Variants in PPP2R1A observed in about 807,000 individuals in gnomAD.
PPP2R1A encodes the protein serine/threonine-protein phosphatase 2A 65 kDa regulatory subunit A alpha isoform.
PPP2R1A carries 15 observed loss-of-function variants against 67.1 expected under a neutral mutation model. The observed-to-expected ratio is 0.22, with a 90% confidence interval of 0.15 to 0.34. The LOEUF is 0.34. PPP2R1A is among the 10% of genes least tolerant of loss of function. The pLI, the probability that PPP2R1A is intolerant of heterozygous loss-of-function variation, is 1.00. For synonymous variants in PPP2R1A, 337 were observed against 325.0 expected, an observed-to-expected ratio of 1.04 and a Z score of -0.40; for missense variants, 369 against 775.0, an observed-to-expected ratio of 0.48 and a Z score of 6.22.
intron 13 of PPP2R1A, among the ~76,000 whole-genome samples, chr19:52,225,372 T>A (rs1314328068): frequency 1.3e-5 from 2 of 152,154 alleles, no homozygotes; most frequent in African/African-American, 4.8e-5. Flanking sequence ...GGGGGTATAG[T>A]AGTGTTTCAA....
At chr19:52,202,868 C>A (rs930971574) in intron 2 of PPP2R1A, among the ~76,000 whole-genome samples, 3 of 152,352 alleles carry the variant, frequency 2.0e-5, no homozygotes, top group African/African-American at 7.2e-5. Flanking sequence ...GCTTATAACA[C>A]TGTATAGTAC....
intron 3 of PPP2R1A, among the ~76,000 whole-genome samples, chr19:52,209,706 G>A (rs1301678148): frequency 3.9e-5 from 6 of 152,030 alleles, no homozygotes; most frequent in Non-Finnish European, 8.8e-5. Context: ...GGCAGCCACC[G>A]TAGGAGTTTG....
chr19:52,221,927 T>TG (rs1245427064), intron 12 of PPP2R1A, 172 bp from the exon 13 acceptor site: 243 of 599,392 alleles, frequency 4.1e-4, no homozygotes, highest in African/African-American at 3.9e-3. Context: ...TGGGACATGG[T>TG]GTTAGGATGG....
At position 52,227,115 on chromosome 19, in the gene PPP2R1A, A is replaced by C. The variant is rs1435909145; in HGVS notation, c.*1134A>C. On this transcript the variant is annotated 3_prime_UTR_variant, in exon 15 of 15. Coordinates refer to ENST00000322088, the MANE Select transcript of PPP2R1A (RefSeq NM_014225.6). ...CTGGGCAGATGACTACATGGATTCA[A>C]GGTATTTTCCTAGTGTCTCTTGAAA... The C allele has an allele frequency of 6.6e-6, 1 of 152,172 alleles. No individual in the cohort carries two copies. Among genetic ancestry groups the C allele is most frequent in the African/African-American group, 2.4e-5 (1 of 41,430 alleles). The allele number at this position is 152,172 out of a possible 1,614,324, so 9.4% of individuals were successfully genotyped here. A position where few individuals can be genotyped will look rare whatever the true frequency, so the allele number is the denominator to read the frequency against.
At chr19:52,201,802 G>A in intron 1 of PPP2R1A, 142 bp from the exon 2 acceptor site, 1 of 657,538 alleles carries the variant, frequency 1.5e-6, no homozygotes, top group Non-Finnish European at 2.7e-6. Context: ...GTCTCTTGGT[G>A]GGTGTTTGCC....
At chr19:52,209,063 C>T (rs2089637815) in intron 3 of PPP2R1A, among the ~76,000 whole-genome samples, 1 of 152,144 alleles carries the variant, frequency 6.6e-6, no homozygotes, top group Non-Finnish European at 1.5e-5. Context: ...TGTTTTGGTC[C>T]ATGCTGGGAT....
rs192105840 is a variant in PPP2R1A at position 52,192,705 on chromosome 19, C to T, written c.78+2531C>T. Among the ~76,000 whole-genome samples the T allele has an allele frequency of 2.6e-3, 393 of 152,228 alleles. 3 individuals carry two copies. Among genetic ancestry groups the T allele is most frequent in the African/African-American group, 9.1e-3 (376 of 41,522 alleles). ...ATCCATCCATCCACTAACCAGCAGA[C>T]ATTTGTAGGGAGATGTCTTTGTGCC... On this transcript the variant is annotated intron_variant, in intron 1 of 14. Transcript: ENST00000322088.
chr19:52,204,513 C>T (rs1424670919), intron 2 of PPP2R1A, among the ~76,000 whole-genome samples: 1 of 152,140 alleles, frequency 6.6e-6, no homozygotes, highest in Non-Finnish European at 1.5e-5. Context: ...AAGGATAGTT[C>T]TCTGTGGATT....
Position 52,222,088 on chromosome 19 carries a change from C to T in PPP2R1A, c.1519-11C>T, listed in dbSNP as rs2122369144. The T allele has an allele frequency of 1.2e-6, 2 of 1,602,870 alleles. No individual in the cohort carries two copies. Among genetic ancestry groups the T allele is most frequent in the East Asian group, 4.5e-5 (2 of 44,570 alleles). ...TTTGCATACTCACCCCTGCCACTCA[C>T]TGGCCCCCAGGTGCTGTCTGAGGTC... is the stretch of plus-strand genomic sequence containing the variant. On this transcript the variant is annotated splice_polypyrimidine_tract_variant and intron_variant, in intron 12 of 14. Coordinates refer to ENST00000322088, the MANE Select transcript of PPP2R1A (RefSeq NM_014225.6).
chr19:52,222,075 C>A (rs1337713022), intron 12 of PPP2R1A, 24 bp from the exon 13 acceptor site: 1 of 1,587,012 alleles, frequency 6.3e-7, no homozygotes, highest in African/African-American at 1.3e-5. Flanking sequence ...TGCATACTCA[C>A]CCCTGCCACT....
rs1472701011 is a variant in PPP2R1A, at chr19:52,201,936, C to G, written c.79-8C>G. ...CATTCTCCCCTCCTCTTCTTGTTCT[C>G]TCATTAGCTTCGCCTCAACAGCATC... On this transcript the variant is annotated splice_polypyrimidine_tract_variant and splice_region_variant and intron_variant, in intron 1 of 14. Transcript: ENST00000322088. 1.2e-6 allele frequency: 2 copies of G among 1,613,518 alleles called. No homozygotes were observed. The highest frequency in any genetic ancestry group is 1.7e-6 in the Non-Finnish European group (2 of 1,179,620).
chr19:52,228,953 G>A lies in PPP2R1A; in HGVS notation c.*2972G>A, dbSNP rs1979412129. On this transcript the variant is annotated 3_prime_UTR_variant, in exon 15 of 15. Coordinates refer to ENST00000322088, the MANE Select transcript of PPP2R1A (RefSeq NM_014225.6). ...GCCCTTGACTCAGGGTGCAGAATCT[G>A]CCTATGGTGCTTGAGCTGTGGTTGT... 6.6e-6 allele frequency: 1 copy of A among 152,230 alleles called. No homozygotes were observed. The highest frequency in any genetic ancestry group is 2.1e-4 in the South Asian group (1 of 4,834). The allele number at this position is 152,230 out of a possible 1,614,324, so 9.4% of individuals were successfully genotyped here.
At chr19:52,197,898 G>A (rs1002342078) in intron 1 of PPP2R1A, among the ~76,000 whole-genome samples, 5 of 152,146 alleles carry the variant, frequency 3.3e-5, no homozygotes, top group African/African-American at 1.2e-4. Flanking sequence ...AAAGCCTGGG[G>A]CATAGTAGAG....
At chr19:52,202,125 G>T in intron 2 of PPP2R1A, 91 bp downstream of exon 2, 2 of 1,115,170 alleles carry the variant, frequency 1.8e-6, no homozygotes, top group South Asian at 2.6e-5. Context: ...TTAACATATT[G>T]TTTGTGAATA....
intron 1 of PPP2R1A, among the ~76,000 whole-genome samples, chr19:52,199,394 C>T (rs1447380414): frequency 6.6e-6 from 1 of 152,172 alleles, no homozygotes; most frequent in Non-Finnish European, 1.5e-5. Context: ...TGGTCTCGAT[C>T]TCCTAACCTC....
chr19:52,224,237 CTCTT>C (rs576808794), intron 13 of PPP2R1A, among the ~76,000 whole-genome samples: 129 of 152,344 alleles, frequency 8.5e-4, no homozygotes, highest in African/African-American at 2.9e-3. Context: ...CTGCAGATTT[CTCTT>C]TCTGTCTGTT....
At chr19:52,206,231 C>T (rs1034345011) in intron 3 of PPP2R1A, among the ~76,000 whole-genome samples, 168 bp downstream of exon 3, 4 of 152,158 alleles carry the variant, frequency 2.6e-5, no homozygotes, top group African/African-American at 7.2e-5. Flanking sequence ...CTTTTAATAT[C>T]GTGAACTCAG....
intron 13 of PPP2R1A, among the ~76,000 whole-genome samples, chr19:52,225,387 G>A (rs1979192949): frequency 6.6e-6 from 1 of 152,128 alleles, no homozygotes; most frequent in Non-Finnish European, 1.5e-5. Context: ...TTTCAATAAT[G>A]TGTGCAAATG....
Position 52,228,016 on chromosome 19 carries a change from A to T in PPP2R1A, c.*2035A>T, listed in dbSNP as rs10402209. On this transcript the variant is annotated 3_prime_UTR_variant, in exon 15 of 15. Transcript: ENST00000322088. The stretch of plus-strand genomic sequence containing the variant: ...CCAGGTTCATCTGCACACTGAAGTT[A>T]GAGAAGTCCTGCCTTAAATACTAAC... 0.16 allele frequency: 24,221 copies of T among 152,096 alleles called. 2,449 individuals are homozygous for T. The highest frequency in any genetic ancestry group is 0.29 in the African/African-American group (12,125 of 41,450). The allele number at this position is 152,096 out of a possible 1,614,324, so 9.4% of individuals were successfully genotyped here. A position where few individuals can be genotyped will look rare whatever the true frequency, so the allele number is the denominator to read the frequency against.
Sources: allele counts gnomAD v4.1 joint callset (sites outside exome capture counted in the v4.1 genomes callset), GRCh38; gene constraint gnomAD v4.1.1; transcripts MANE v1.5; gene names NCBI Gene and HGNC (gene_info 2026-07-23, HGNC 2026-07-21).